The following RIMS4 variants were observed in gnomAD, a reference collection of about 807,000 sequenced individuals.
RIMS4 encodes regulating synaptic membrane exocytosis 4.
Under a neutral mutation model 29.0 loss-of-function variants are expected in RIMS4, and 9 were observed. The observed-to-expected ratio is 0.31, with a 90% CI of 0.19 to 0.54. The LOEUF (loss-of-function observed/expected upper bound fraction) is 0.54. RIMS4 is among the 20% of genes least tolerant of loss of function. The pLI is 0.94. For missense variants in RIMS4, 193 were observed against 365.7 expected (o/e 0.53, Z 3.85); for synonymous variants, 130 against 152.9 (o/e 0.85, Z 1.10).
At chr20:44,801,037 T>C (rs546778369) in intron 1 of RIMS4, among the ~76,000 whole-genome samples, 2 of 152,168 alleles carry the variant, frequency 1.3e-5, no homozygotes, top group African/African-American at 4.8e-5. Context: ...TGTACATACA[T>C]CCTCTGGAAT....
intron 4 of RIMS4, 27 bp from the exon 5 acceptor site, chr20:44,757,064 G>A: frequency 6.2e-7 from 1 of 1,607,238 alleles, no homozygotes; most frequent in African/African-American, 1.3e-5. Flanking sequence ...GCAGGGGTGA[G>A]TTCTAGTTTG....
At chr20:44,768,710 T>G (rs1201495864) in intron 2 of RIMS4, among the ~76,000 whole-genome samples, 1 of 152,140 alleles carries the variant, frequency 6.6e-6, no homozygotes, top group East Asian at 1.9e-4. Context: ...TGATACCTCC[T>G]CAGTTGGGCT....
At chr20:44,766,102 G>A (rs2066112517) in intron 2 of RIMS4, among the ~76,000 whole-genome samples, 1 of 152,160 alleles carries the variant, frequency 6.6e-6, no homozygotes, top group African/African-American at 2.4e-5. Flanking sequence ...AGGGGACTGT[G>A]AGAGCTGCTG....
chr20:44,809,862 G>C lies in RIMS4; in HGVS notation c.97+313C>G, dbSNP rs76876463. ...GGGCACATTCAGGAGACTCAGGGAG[G>C]GTGGCAGGTCGGCTCCAGGGACGAG... On this transcript the variant is annotated intron_variant, in intron 1 of 5. Transcript: ENST00000372851. Among the ~76,000 whole-genome samples, 591 of 152,140 alleles carry C rather than the reference G, an allele frequency of 3.9e-3. 22 individuals carry two copies. In the East Asian group the frequency reaches 0.097, roughly 25 times the overall value.
chr20:44,756,404 C>A lies in RIMS4; in HGVS notation c.592-52G>T. 6.6e-7 allele frequency: 1 copy of A among 1,523,092 alleles called. No individual in the cohort carries two copies. Among genetic ancestry groups the A allele is most frequent in the South Asian group, 1.2e-5 (1 of 86,078 alleles). 94.3% of individuals were successfully genotyped at this position (1,523,092 alleles called of 1,614,324 possible). A position where few individuals can be genotyped will look rare whatever the true frequency, so the allele number is the denominator to read the frequency against. ...AAATCCTGCCAGTGCCACTCACAGGCCCAGAAGCAGAACCTGGGTCGCCCC... is the reference window on the plus strand; with the variant it reads ...AAATCCTGCCAGTGCCACTCACAGGACCAGAAGCAGAACCTGGGTCGCCCC... On this transcript the variant is annotated intron_variant, in intron 5 of 5. Transcript: ENST00000372851. This position sits in a 1 kb window ranked among gnomAD's most constrained non-coding sequence, Gnocchi z 5.9.
chr20:44,772,973 C>T (rs537569869), intron 1 of RIMS4, among the ~76,000 whole-genome samples: 17 of 152,252 alleles, frequency 1.1e-4, no homozygotes, highest in Middle Eastern at 3.4e-3. Context: ...CACATGCATG[C>T]GTAGATACAA....
At chr20:44,773,785 C>G (rs1210910433) in intron 1 of RIMS4, among the ~76,000 whole-genome samples, 2 of 152,220 alleles carry the variant, frequency 1.3e-5, no homozygotes, top group African/African-American at 4.8e-5. Context: ...CCCTGGCTCC[C>G]CACACAGGTG....
chr20:44,758,669 G>T (rs2066071337), intron 2 of RIMS4, among the ~76,000 whole-genome samples: 1 of 152,172 alleles, frequency 6.6e-6, no homozygotes, highest in Admixed American at 6.5e-5. Flanking sequence ...CCTGAGACTG[G>T]GCCTCCAGCT....
At chr20:44,778,502 C>G (rs1373109667) in intron 1 of RIMS4, among the ~76,000 whole-genome samples, 2 of 152,040 alleles carry the variant, frequency 1.3e-5, no homozygotes, top group African/African-American at 2.4e-5. Context: ...ATAGTGAGAC[C>G]CTGCCTCTAT....
chr20:44,776,620 T>G (rs1172621017), intron 1 of RIMS4, among the ~76,000 whole-genome samples: 1 of 152,190 alleles, frequency 6.6e-6, no homozygotes, highest in Non-Finnish European at 1.5e-5. Context: ...AGCACCAGAA[T>G]CTCAGGGCTA....
rs554251675 is a variant in RIMS4 at position 44,764,509 on chromosome 20, C to T, written c.237-6325G>A. ...AATGGCATTTGACCTTGAAAATGAC[C>T]TGCAGTTTGCTTGTGGAAGTGGGTG... On this transcript the variant is annotated intron_variant, in intron 2 of 5. Coordinates refer to ENST00000372851, the MANE Select transcript of RIMS4 (RefSeq NM_182970.4). 5.3e-5 allele frequency among the ~76,000 whole-genome samples: 8 copies of T among 152,212 alleles called. No homozygotes were observed. In the South Asian group the frequency reaches 1.7e-3, roughly 32 times the overall value.
intron 1 of RIMS4, among the ~76,000 whole-genome samples, chr20:44,793,675 G>C (rs566680484): frequency 6.6e-6 from 1 of 152,316 alleles, no homozygotes; most frequent in African/African-American, 2.4e-5. Context: ...AGTTCAGGTG[G>C]GTAATAAGAG....
In RIMS4 at chr20:44,810,287, G is replaced by A; in HGVS notation, c.-16C>T. On this transcript the variant is annotated 5_prime_UTR_variant, in exon 1 of 6. Coordinates refer to ENST00000372851, the MANE Select transcript of RIMS4 (RefSeq NM_182970.4). ...AGCGCTCCATGCCCGCGCCGGCGCCGGGCGCCTCGGCCGCGGCGGCGGCGG... is the reference window on the plus strand; with the variant it reads ...AGCGCTCCATGCCCGCGCCGGCGCCAGGCGCCTCGGCCGCGGCGGCGGCGG... 4.6e-6 allele frequency: 5 copies of A among 1,090,078 alleles called. No individual in the cohort carries two copies. Among genetic ancestry groups the A allele is most frequent in the Non-Finnish European group, 5.7e-6 (5 of 880,014 alleles). 67.5% of individuals were successfully genotyped at this position (1,090,078 alleles called of 1,614,324 possible).
At chr20:44,757,640 C>T in intron 4 of RIMS4, 30 bp downstream of exon 4, 1 of 1,572,088 alleles carries the variant, frequency 6.4e-7, no homozygotes, top group Non-Finnish European at 8.8e-7. Flanking sequence ...ACCTCCACCC[C>T]CACCTTGCAG....
intron 1 of RIMS4, among the ~76,000 whole-genome samples, chr20:44,802,970 C>T (rs67673295): frequency 0.099 from 15,068 of 152,228 alleles, 1,103 homozygotes; most frequent in African/African-American, 0.2. Flanking sequence ...CCATTGCTGG[C>T]TCTTTGTCAG....
intron 1 of RIMS4, among the ~76,000 whole-genome samples, chr20:44,809,366 C>T (rs1169148535): frequency 2.0e-5 from 3 of 152,146 alleles, no homozygotes; most frequent in Non-Finnish European, 4.4e-5. Flanking sequence ...AGTAGGTTTC[C>T]CTACAGCTCC....
At chr20:44,757,565 T>C in intron 4 of RIMS4, 105 bp downstream of exon 4, 1 of 861,594 alleles carries the variant, frequency 1.2e-6, no homozygotes, top group East Asian at 2.4e-5. Context: ...GGACAGGGGG[T>C]CCCCACAGTT....
At position 44,757,792 on chromosome 20, in the gene RIMS4, T is replaced by A. The variant is rs749094872; in HGVS notation, c.350-21A>T. 1.9e-6 allele frequency: 3 copies of A among 1,595,452 alleles called. No homozygotes were observed. The South Asian group carries it at 3.3e-5, about 18-fold the overall frequency. On this transcript the variant is annotated intron_variant, in intron 3 of 5. Coordinates refer to ENST00000372851, the MANE Select transcript of RIMS4 (RefSeq NM_182970.4). The stretch of plus-strand genomic sequence containing the variant: ...ATCCCCTGGAAGAGGCACCAAGAGA[T>A]GAGACTGGGAAATGGTTCAGAAGCT...
At chr20:44,770,309 A>G (rs140791097) in intron 2 of RIMS4, among the ~76,000 whole-genome samples, 490 of 152,286 alleles carry the variant, frequency 3.2e-3, no homozygotes, top group Middle Eastern at 6.8e-3. Flanking sequence ...TGCCCTGGTC[A>G]TCTGTATGAT....
Sources: gnomAD v4.1 joint callset for allele counts (sites outside exome capture counted in the v4.1 genomes callset) on GRCh38, gnomAD v4.1.1 for gene constraint, Gnocchi (gnomAD v3.1) non-coding constraint, MANE v1.5 for transcripts, NCBI Gene and HGNC (gene_info 2026-07-23, HGNC 2026-07-21) for gene names.